PDE4D: variants seen among roughly 807,000 people sequenced by gnomAD.
The protein encoded by PDE4D is phosphodiesterase 4D.
PDE4D carries 24 observed loss-of-function variants against 87.4 expected under a neutral mutation model. The observed-to-expected ratio is 0.27, with a 90% confidence interval of 0.20 to 0.39. The LOEUF (loss-of-function observed/expected upper bound fraction) is 0.39, where lower values mean the gene tolerates loss of function less well. Ranked by LOEUF, PDE4D falls within the 10% of genes least tolerant of loss-of-function variation. The pLI, the probability that PDE4D is intolerant of heterozygous loss-of-function variation, is 1.00. For missense variants in PDE4D, 714 were observed against 1,041.0 expected (o/e 0.69, Z 4.32); for synonymous variants, 384 against 383.2 (o/e 1.00, Z -0.02).
intron 5 of PDE4D, among the ~76,000 whole-genome samples, chr5:59,064,367 C>T (rs1433631700): frequency 1.3e-5 from 2 of 152,120 alleles, no homozygotes; most frequent in Admixed American, 1.3e-4. Flanking sequence ...TTCAGGTGAG[C>T]TCTGTGGGCT....
intron 1 of PDE4D, among the ~76,000 whole-genome samples, chr5:60,396,748 G>A (rs1190951454): frequency 6.6e-6 from 1 of 152,188 alleles, no homozygotes; most frequent in East Asian, 1.9e-4. Context: ...CCCAGAGTTA[G>A]GTATCTATGC....
upstream of PDE4D, among the ~76,000 whole-genome samples, chr5:59,898,538 C>T (rs1751908874): frequency 6.6e-6 from 1 of 152,196 alleles, no homozygotes; most frequent in Non-Finnish European, 1.5e-5. Context: ...CTCAAGTACA[C>T]ATTGAAATTA....
rs1345158584 is a variant in PDE4D at position 59,325,986 on chromosome 5, A to C, written c.456-110018T>G. Among the ~76,000 whole-genome samples the C allele has an allele frequency of 2.6e-5, 4 of 152,138 alleles. 1 individual carries two copies. The East Asian group carries it at 7.7e-4, about 29-fold the overall frequency. ...TTTGTAGGGACATGGATGAAGCTGGAAACTATCATTCTCAGCAAACTATCG... is the reference window on the plus strand; with the variant it reads ...TTTGTAGGGACATGGATGAAGCTGGCAACTATCATTCTCAGCAAACTATCG... On this transcript the variant is annotated intron_variant, in intron 1 of 14. Transcript: ENST00000340635.
chr5:59,131,629 C>G (rs1357648665), intron 5 of PDE4D, among the ~76,000 whole-genome samples: 1 of 108,180 alleles, frequency 9.2e-6, no homozygotes, highest in African/African-American at 3.3e-5. Context: ...CACACACACA[C>G]ACACACACAC....
At chr5:60,032,834 C>T (rs1420015847) in intron 2 of PDE4D, 1 of 152,206 alleles carries the variant, frequency 6.6e-6, no homozygotes, top group African/African-American at 2.4e-5. Flanking sequence ...AACTTTACCA[C>T]TGTTCAGAAT....
chr5:59,896,122 T>C (rs184144166), upstream of PDE4D, among the ~76,000 whole-genome samples: 9 of 152,344 alleles, frequency 5.9e-5, no homozygotes, highest in Admixed American at 5.9e-4. Context: ...CCTACCCATG[T>C]TACTTTAGCT....
chr5:59,801,168 T>G (rs1396942886), intron 1 of PDE4D, among the ~76,000 whole-genome samples: 1 of 152,208 alleles, frequency 6.6e-6, no homozygotes. Flanking sequence ...AGAACAACTG[T>G]CATAGCTTGA....
intron 1 of PDE4D, among the ~76,000 whole-genome samples, chr5:59,328,139 C>T (rs1233524069): frequency 6.6e-6 from 1 of 151,996 alleles, no homozygotes; most frequent in Non-Finnish European, 1.5e-5. Context: ...TTAAACTAAC[C>T]TTTAAAAGCA....
chr5:59,121,431 T>C (rs755208381), intron 5 of PDE4D, among the ~76,000 whole-genome samples: 2 of 151,666 alleles, frequency 1.3e-5, no homozygotes, highest in African/African-American at 4.8e-5. Context: ...CATACAAATG[T>C]CCAATATGAA....
chr5:58,974,750 C>G lies in PDE4D; in HGVS notation c.2344G>C (p.Glu782Gln). Residue 782 changes from glutamate to glutamine, a missense_variant, in exon 15 of 15, where the codon GAA (glutamate) becomes CAA (glutamine). Coordinates refer to ENST00000340635, the MANE Select transcript of PDE4D (RefSeq NM_001104631.2). The stretch of plus-strand genomic sequence containing the variant: ...CCTACTGCCTCCTCTTCAACCTGTT[C>G]ATCAAGGGGAATTTCAGTAGACTCT... ...DSESTEIPLD[E>Q]QVEEEAVGEE... 2 of 1,613,608 alleles carry G rather than the reference C, an allele frequency of 1.2e-6. No homozygotes were observed. The highest frequency in any genetic ancestry group is 1.3e-5 in the African/African-American group (1 of 75,018).
intron 2 of PDE4D, among the ~76,000 whole-genome samples, chr5:60,111,902 T>C (rs1777727343): frequency 6.6e-6 from 1 of 152,074 alleles, no homozygotes. Context: ...TTTATAAAGA[T>C]TTTTGTCTTT....
intron 2 of PDE4D, among the ~76,000 whole-genome samples, chr5:59,213,271 C>A (rs763184130): frequency 2.6e-5 from 4 of 151,774 alleles, no homozygotes; most frequent in Non-Finnish European, 5.9e-5. Context: ...CTCAACCAAT[C>A]CTCCTACCTC....
At chr5:59,705,415 C>T (rs1361033223) in intron 1 of PDE4D, among the ~76,000 whole-genome samples, 1 of 152,076 alleles carries the variant, frequency 6.6e-6, no homozygotes, top group African/African-American at 2.4e-5. Flanking sequence ...AGTAAGAAGG[C>T]AAGCCTGAAA....
intron 6 of PDE4D, among the ~76,000 whole-genome samples, chr5:59,027,508 A>G (rs1756466360): frequency 6.6e-6 from 1 of 152,034 alleles, no homozygotes; most frequent in African/African-American, 2.4e-5. Flanking sequence ...AGATTTGTCT[A>G]TTTTCCCCCA....
rs372144821 is a variant in PDE4D at position 60,425,264 on chromosome 5, C to T, written c.-90+62678G>A. Among the ~76,000 whole-genome samples the T allele has an allele frequency of 1.4e-4, 22 of 152,266 alleles. No homozygotes were observed. In the East Asian group the frequency reaches 2.5e-3, roughly 17 times the overall value. On this transcript the variant is annotated intron_variant, in intron 1 of 16. Transcript: ENST00000502484. ...CAACAGAAGAAAGCTGGAAGCATCA[C>T]GCTACCTGACTTCAAACTATACTAC...
intron 5 of PDE4D, among the ~76,000 whole-genome samples, chr5:59,125,637 GA>G (rs959205259): frequency 2.6e-5 from 4 of 152,154 alleles, no homozygotes; most frequent in Admixed American, 6.5e-5. Context: ...GTGTAGGTGG[GA>G]AGAAGGGAGA....
chr5:60,360,828 C>T (rs1258415677), intron 1 of PDE4D, among the ~76,000 whole-genome samples: 1 of 152,166 alleles, frequency 6.6e-6, no homozygotes, highest in African/African-American at 2.4e-5. Flanking sequence ...ACTCAGGAGA[C>T]CACTGTTAGA....
rs755881387 is a variant in PDE4D, at chr5:59,126,107, A to AAG, written c.808+54486_808+54487dup. Among the ~76,000 whole-genome samples, 143 of 148,156 alleles carry AAG rather than the reference A, an allele frequency of 9.7e-4. 1 individual carries two copies. Among genetic ancestry groups the AAG allele is most frequent in the Non-Finnish European group, 1.4e-3 (94 of 67,294 alleles). ...TTAAGTACAATTGTAAAAAAAAAAA[A>AAG]AGAGAGAGAGAGAGAGAGAGAGAAA... On this transcript the variant is annotated intron_variant, in intron 5 of 14. Transcript: ENST00000340635.
intron 1 of PDE4D, among the ~76,000 whole-genome samples, chr5:59,723,369 A>G (rs1366102027): frequency 6.6e-6 from 1 of 152,148 alleles, no homozygotes; most frequent in African/African-American, 2.4e-5. Context: ...AATACCTCAT[A>G]GAATGTGGTA....
Sources: allele counts gnomAD v4.1 joint callset (sites outside exome capture counted in the v4.1 genomes callset), GRCh38; gene constraint gnomAD v4.1.1; transcripts MANE v1.5; gene names NCBI Gene and HGNC (gene_info 2026-07-23, HGNC 2026-07-21).